The following KCNB2 variants were observed in gnomAD, a reference collection of about 807,000 sequenced individuals.
KCNB2 encodes the protein delayed rectifier potassium channel protein.
Under a neutral mutation model 61.5 loss-of-function variants are expected in KCNB2, and 15 were observed. That is an observed-to-expected ratio of 0.24 (90% CI 0.16 to 0.38). The LOEUF (loss-of-function observed/expected upper bound fraction) is 0.38, where lower values mean the gene tolerates loss of function less well. Ranked by LOEUF, KCNB2 falls within the 10% of genes least tolerant of loss-of-function variation. The pLI is 1.00. For synonymous variants in KCNB2, 457 were observed against 446.0 expected, an observed-to-expected ratio of 1.02 and a Z score of -0.31; for missense variants, 828 against 1,125.2, an observed-to-expected ratio of 0.74 and a Z score of 3.78.
At chr8:72,779,740 T>A (rs1320086443) in intron 2 of KCNB2, among the ~76,000 whole-genome samples, 1 of 152,148 alleles carries the variant, frequency 6.6e-6, no homozygotes, top group African/African-American at 2.4e-5. Context: ...AGGTGCCAGG[T>A]CAGTACATGT....
At position 72,935,722 on chromosome 8, in the gene KCNB2, C is replaced by T. The variant is rs73321465; in HGVS notation, c.580-213C>T. 3.4e-3 allele frequency among the ~76,000 whole-genome samples: 514 copies of T among 152,140 alleles called. 1 individual carries two copies. Among genetic ancestry groups the T allele is most frequent in the African/African-American group, 0.012 (492 of 41,510 alleles). On this transcript the variant is annotated intron_variant, in intron 2 of 2. Transcript: ENST00000523207. ...TACATGTTCCTAAGAACAATGAGTGCGGAAGGGGGGAATGGAATTTAAATA... is the reference window on the plus strand; with the variant it reads ...TACATGTTCCTAAGAACAATGAGTGTGGAAGGGGGGAATGGAATTTAAATA...
intron 2 of KCNB2, among the ~76,000 whole-genome samples, chr8:72,802,343 C>T (rs1005483669): frequency 6.6e-6 from 1 of 152,164 alleles, no homozygotes; most frequent in Non-Finnish European, 1.5e-5. Context: ...CTTAGAATAA[C>T]ACAGAGTATT....
At chr8:72,752,615 G>T (rs1808211119) in intron 2 of KCNB2, among the ~76,000 whole-genome samples, 1 of 152,174 alleles carries the variant, frequency 6.6e-6, no homozygotes, top group African/African-American at 2.4e-5. Flanking sequence ...TTCCTAGTCT[G>T]CCTTGTTCAA....
At chr8:72,608,774 G>T (rs557114387) in intron 2 of KCNB2, among the ~76,000 whole-genome samples, 1 of 152,096 alleles carries the variant, frequency 6.6e-6, no homozygotes, top group African/African-American at 2.4e-5. Flanking sequence ...CCACATTTAG[G>T]CCACCACTGG....
chr8:72,652,144 T>G (rs1806220399), intron 2 of KCNB2, among the ~76,000 whole-genome samples: 1 of 152,164 alleles, frequency 6.6e-6, no homozygotes, highest in Non-Finnish European at 1.5e-5. Flanking sequence ...ACAAATTTTG[T>G]AAAGGCATCT....
intron 2 of KCNB2, among the ~76,000 whole-genome samples, chr8:72,589,853 C>T (rs970023584): frequency 2.0e-5 from 3 of 152,164 alleles, no homozygotes; most frequent in Admixed American, 6.5e-5. Context: ...GGTGATTATA[C>T]AACTAAGGGC....
At chr8:72,846,568 A>G (rs1316062961) in intron 2 of KCNB2, among the ~76,000 whole-genome samples, 6 of 137,638 alleles carry the variant, frequency 4.4e-5, no homozygotes, top group African/African-American at 2.1e-4. Flanking sequence ...AAAAAAAAAG[A>G]AAAAAAAAAC....
At chr8:72,658,301 G>A (rs1203443573) in intron 2 of KCNB2, among the ~76,000 whole-genome samples, 1 of 152,126 alleles carries the variant, frequency 6.6e-6, no homozygotes, top group Non-Finnish European at 1.5e-5. Context: ...AAGTTTTAGT[G>A]GTCTGGACAG....
intron 2 of KCNB2, among the ~76,000 whole-genome samples, chr8:72,674,712 A>G (rs1217292476): frequency 6.6e-6 from 1 of 152,198 alleles, no homozygotes; most frequent in Non-Finnish European, 1.5e-5. Context: ...TATGTTTTGC[A>G]TGGAAGGAAG....
intron 2 of KCNB2, among the ~76,000 whole-genome samples, chr8:72,771,531 T>C (rs1057430168): frequency 1.4e-4 from 21 of 152,138 alleles, no homozygotes; most frequent in African/African-American, 4.8e-4. Context: ...TGTTTTTATA[T>C]TAGGTTGGTG....
intron 2 of KCNB2, among the ~76,000 whole-genome samples, chr8:72,671,755 G>A (rs1351685936): frequency 6.6e-6 from 1 of 152,114 alleles, no homozygotes; most frequent in Non-Finnish European, 1.5e-5. Context: ...CTTAGCAGTT[G>A]TGCTACAGGC....
intron 2 of KCNB2, among the ~76,000 whole-genome samples, chr8:72,925,289 A>T (rs1321303988): frequency 6.6e-6 from 1 of 152,204 alleles, no homozygotes. Context: ...GGAAATTTAG[A>T]AAACTTCCTT....
At chr8:72,692,250 A>AG (rs2128990213) in intron 2 of KCNB2, among the ~76,000 whole-genome samples, 1 of 151,942 alleles carries the variant, frequency 6.6e-6, no homozygotes, top group African/African-American at 2.4e-5. Context: ...AAAAAAAAAA[A>AG]AAAAAAAATT....
chr8:72,677,530 C>G (rs980005358), intron 2 of KCNB2, among the ~76,000 whole-genome samples: 5 of 152,206 alleles, frequency 3.3e-5, no homozygotes, highest in African/African-American at 9.7e-5. Flanking sequence ...TCTCTACTTT[C>G]TTTCCTCAAT....
chr8:72,656,416 T>G (rs1466507168), intron 2 of KCNB2, among the ~76,000 whole-genome samples: 3 of 152,144 alleles, frequency 2.0e-5, no homozygotes, highest in Non-Finnish European at 4.4e-5. Context: ...CTCTATGGCT[T>G]ATGCAATGCT....
Position 72,567,858 on chromosome 8 carries a change from G to T in KCNB2, c.124G>T (p.Gly42Trp). The change falls in exon 2 of 3, where the codon GGG (glycine) becomes TGG (tryptophan). Residue 42 changes from glycine (G) to tryptophan (W), a missense_variant. Coordinates refer to ENST00000523207, the MANE Select transcript of KCNB2 (RefSeq NM_004770.3). ...TCSRRVKINV[G>W]GLNHEVLWRT... ...CTCCAGGAGAGTTAAGATCAATGTG[G>T]GGGGCCTCAACCACGAAGTCCTGTG... 1 of 1,614,060 alleles carries T rather than the reference G, an allele frequency of 6.2e-7. No individual in the cohort carries two copies. The highest frequency in any genetic ancestry group is 8.5e-7 in the Non-Finnish European group (1 of 1,180,014).
rs1805988229 is a variant in KCNB2, at chr8:72,637,637, T to TA, written c.579+69328dup. The stretch of plus-strand genomic sequence containing the variant: ...AGCCTCTCTCTCTCTCTCACTTCTT[T>TA]AAAAGCTAATTCTTGGAATCCTTGG... On this transcript the variant is annotated intron_variant, in intron 2 of 2. Transcript: ENST00000523207. Among the ~76,000 whole-genome samples the TA allele has an allele frequency of 5.3e-5, 8 of 152,286 alleles. No homozygotes were observed. The South Asian group carries it at 1.7e-3, about 32-fold the overall frequency.
chr8:72,914,820 G>A (rs1206784000), intron 2 of KCNB2, among the ~76,000 whole-genome samples: 1 of 152,054 alleles, frequency 6.6e-6, no homozygotes, highest in African/African-American at 2.4e-5. Flanking sequence ...GTTAAGTGTT[G>A]TAAAGTAAAC....
intron 2 of KCNB2, among the ~76,000 whole-genome samples, chr8:72,925,835 A>G (rs754961184): frequency 5.3e-5 from 8 of 152,224 alleles, no homozygotes; most frequent in Non-Finnish European, 2.9e-5. Flanking sequence ...AAGACATGGA[A>G]TCAACCCAAA....
Sources: allele counts gnomAD v4.1 joint callset (sites outside exome capture counted in the v4.1 genomes callset), GRCh38; gene constraint gnomAD v4.1.1; transcripts MANE v1.5; gene names NCBI Gene and HGNC (gene_info 2026-07-23, HGNC 2026-07-21).